CC2D2B: variants seen among roughly 807,000 people sequenced by gnomAD.
The protein encoded by CC2D2B is coiled-coil and C2 domain containing 2B, also known as protein CC2D2B.
CC2D2B carries 128 observed loss-of-function variants against 161.2 expected under a neutral mutation model. The observed-to-expected ratio is 0.79, with a 90% CI of 0.69 to 0.92. CC2D2B has a LOEUF of 0.92. Ranked by LOEUF, CC2D2B falls within the 40% of genes least tolerant of loss-of-function variation. The pLI, the probability that CC2D2B is intolerant of heterozygous loss-of-function variation, is 0.00. For missense variants in CC2D2B, 1,173 were observed against 1,375.1 expected (o/e 0.85, Z 2.32); for synonymous variants, 391 against 449.8 (o/e 0.87, Z 1.65).
chr10:95,967,043 C>T (rs2141460422), intron 14 of CC2D2B, among the ~76,000 whole-genome samples: 1 of 152,116 alleles, frequency 6.6e-6, no homozygotes, highest in South Asian at 2.1e-4. Context: ...TGGGAATGTG[C>T]ATCATTTAGC....
Position 96,013,823 on chromosome 10 carries a change from T to C in CC2D2B, c.3462T>C (p.Phe1154=). 6.2e-7 allele frequency: 1 copy of C among 1,604,468 alleles called. No individual in the cohort carries two copies. Among genetic ancestry groups the C allele is most frequent in the East Asian group, 2.3e-5 (1 of 44,246 alleles). The part of the protein sequence containing the change: ...LIARFVSLIP[F]VPNTPDENDG... Reference sequence around the variant, plus strand: ...CTCGATTTGTATCTTTGATTCCTTTTGTGCCTAATACACCAGATGAAAATG... The same window carrying C: ...CTCGATTTGTATCTTTGATTCCTTTCGTGCCTAATACACCAGATGAAAATG... Residue 1154 remains phenylalanine, a synonymous_variant, in exon 29 of 35, where the codon TTT becomes TTC. Transcript: ENST00000646931.
chr10:95,941,544 A>C (rs1453397908), intron 9 of CC2D2B, among the ~76,000 whole-genome samples: 1 of 152,172 alleles, frequency 6.6e-6, no homozygotes, highest in Non-Finnish European at 1.5e-5. Flanking sequence ...CTCCAAAAAA[A>C]ACCAAAGATG....
chr10:96,006,131 T>C (rs2078738506), intron 25 of CC2D2B, among the ~76,000 whole-genome samples: 1 of 151,698 alleles, frequency 6.6e-6, no homozygotes, highest in South Asian at 2.1e-4. Flanking sequence ...CACTTGTATT[T>C]TAATTATTTT....
chr10:95,943,942 G>T (rs1166964823), intron 9 of CC2D2B, among the ~76,000 whole-genome samples: 1 of 152,148 alleles, frequency 6.6e-6, no homozygotes, highest in East Asian at 1.9e-4. Context: ...CTGATTTAAA[G>T]ACTGAATTAC....
At position 96,011,805 on chromosome 10, in the gene CC2D2B, G is replaced by T. The variant is rs796202245; in HGVS notation, c.3046-380G>T. On this transcript the variant is annotated intron_variant, in intron 26 of 34. Transcript: ENST00000646931. ...TTCTCCTACTGTGGACCTCAGGGTT[G>T]TCTTTCTTGCTGTTACATATTTTCT... Among the ~76,000 whole-genome samples, 12 of 152,000 alleles carry T rather than the reference G, an allele frequency of 7.9e-5. No individual in the cohort carries two copies. In the South Asian group the frequency reaches 2.3e-3, roughly 29 times the overall value.
At chr10:95,976,956 G>T (rs1445159958) in intron 17 of CC2D2B, among the ~76,000 whole-genome samples, 1 of 152,162 alleles carries the variant, frequency 6.6e-6, no homozygotes, top group Non-Finnish European at 1.5e-5. Flanking sequence ...CTCCATGTTG[G>T]TCAGGCTAGT....
chr10:96,010,055 G>A (rs188345915), intron 26 of CC2D2B, 132 bp downstream of exon 26: 53 of 582,910 alleles, frequency 9.1e-5, no homozygotes, highest in African/African-American at 5.8e-4. Context: ...GTATTAGAAT[G>A]TTCTGGGCTT....
rs986816330 is a variant in CC2D2B, at chr10:95,913,099, G to A, written c.36+1740G>A. The stretch of plus-strand genomic sequence containing the variant: ...TACTTATTAACCTTCCCCATTCCCT[G>A]CCCCCCACCCAATACCTTTCCCAGT... On this transcript the variant is annotated intron_variant, in intron 2 of 34. Transcript: ENST00000646931. Among the ~76,000 whole-genome samples, 8 of 117,516 alleles carry A rather than the reference G, an allele frequency of 6.8e-5. No homozygotes were observed. The Admixed American group carries it at 7.8e-4, about 11-fold the overall frequency. The allele number at this position is 117,516 out of a possible 152,430, so 77.1% of individuals were successfully genotyped here. A position where few individuals can be genotyped will look rare whatever the true frequency, so the allele number is the denominator to read the frequency against.
chr10:95,977,572 C>T (rs78433931), intron 17 of CC2D2B, among the ~76,000 whole-genome samples: 3 of 152,184 alleles, frequency 2.0e-5, no homozygotes, highest in Admixed American at 1.3e-4. Flanking sequence ...CCTTCATTCT[C>T]GATTTACTTT....
At chr10:95,982,898 T>A (rs1365779395) in intron 18 of CC2D2B, among the ~76,000 whole-genome samples, 2 of 152,044 alleles carry the variant, frequency 1.3e-5, no homozygotes, top group Non-Finnish European at 2.9e-5. Context: ...CAGCCTCTCG[T>A]GTAGCTGGGA....
At chr10:95,993,952 G>GTATATATA (rs1169560460) in intron 22 of CC2D2B, among the ~76,000 whole-genome samples, 6 of 18,124 alleles carry the variant, frequency 3.3e-4, no homozygotes, top group Non-Finnish European at 5.2e-4. Context: ...GTATGTATGT[G>GTATATATA]TATATATATA....
chr10:95,942,880 A>G (rs2076069048), intron 9 of CC2D2B, among the ~76,000 whole-genome samples: 1 of 152,024 alleles, frequency 6.6e-6, no homozygotes, highest in Non-Finnish European at 1.5e-5. Flanking sequence ...TATTTTTCCT[A>G]AACTTTTATA....
rs528278297 is a variant in CC2D2B, at chr10:96,024,933, T to C, written c.3947+22T>C. The C allele has an allele frequency of 1.7e-5, 24 of 1,417,786 alleles. No homozygotes were observed. In the South Asian group the frequency reaches 2.6e-4, roughly 15 times the overall value. The allele number at this position is 1,417,786 out of a possible 1,614,324, so 87.8% of individuals were successfully genotyped here. On this transcript the variant is annotated intron_variant, in intron 33 of 34. Transcript: ENST00000646931. The stretch of plus-strand genomic sequence containing the variant: ...ATAGGTACTGTGTTTTCCCCTAATC[T>C]CTTGTTGGGTTACCTTTCAGTCTTC...
chr10:95,922,600 C>T (rs763764723), intron 3 of CC2D2B, among the ~76,000 whole-genome samples: 1 of 152,216 alleles, frequency 6.6e-6, no homozygotes, highest in Non-Finnish European at 1.5e-5. Flanking sequence ...TTACCCTTTA[C>T]TTCTACAAAC....
intron 6 of CC2D2B, among the ~76,000 whole-genome samples, chr10:95,929,101 G>A (rs549873754): frequency 3.0e-4 from 46 of 152,290 alleles, no homozygotes; most frequent in South Asian, 8.3e-4. Flanking sequence ...TCTAACTGGT[G>A]TGAGATGGTA....
chr10:96,031,756 A>T (rs1196044849), intron 34 of CC2D2B, 64 bp from the exon 35 acceptor site: 2 of 1,359,094 alleles, frequency 1.5e-6, no homozygotes. Flanking sequence ...ATCTTTTTGC[A>T]TACAGTAATT....
intron 20 of CC2D2B, among the ~76,000 whole-genome samples, chr10:95,990,535 C>T (rs1347588117): frequency 2.0e-5 from 3 of 151,994 alleles, no homozygotes; most frequent in East Asian, 3.9e-4. Context: ...AAGGGGCCAC[C>T]GGGGTCTTGT....
At chr10:96,017,490 C>T (rs2079256070) in intron 30 of CC2D2B, among the ~76,000 whole-genome samples, 1 of 152,162 alleles carries the variant, frequency 6.6e-6, no homozygotes, top group Non-Finnish European at 1.5e-5. Context: ...AGTTTCACCT[C>T]AGCCATGGGG....
intron 17 of CC2D2B, among the ~76,000 whole-genome samples, chr10:95,975,946 C>T (rs1159410107): frequency 6.6e-6 from 1 of 152,126 alleles, no homozygotes; most frequent in Non-Finnish European, 1.5e-5. Flanking sequence ...CTAATCTTTG[C>T]CTCATCATAA....
Sources: gnomAD v4.1 joint callset for allele counts (sites outside exome capture counted in the v4.1 genomes callset) on GRCh38, gnomAD v4.1.1 for gene constraint, MANE v1.5 for transcripts, NCBI Gene and HGNC (gene_info 2026-07-23, HGNC 2026-07-21) for gene names.